Variants in TMEM117 observed in about 807,000 individuals in gnomAD.
TMEM117 encodes transmembrane protein 117.
TMEM117 carries 27 observed loss-of-function variants against 52.4 expected under a neutral mutation model. The ratio of observed to expected loss-of-function variants is 0.51; its 90% CI spans 0.38 to 0.71. TMEM117 has a LOEUF of 0.71. Among genes scored for constraint, TMEM117 ranks in the 30% least tolerant of loss-of-function variants. TMEM117 has a pLI of 0.00. For missense variants in TMEM117, 556 were observed against 630.5 expected, an observed-to-expected ratio of 0.88 and a Z score of 1.26; for synonymous variants, 215 against 206.3, an observed-to-expected ratio of 1.04 and a Z score of -0.36.
In TMEM117 at chr12:44,299,572, C is replaced by T. The variant is rs746516718; in HGVS notation, c.609-8C>T. ...TATGTTCTTTAATGAGTGTCTTGTT[C>T]CTTACAGGACAGTTCTTTTTACTCT... On this transcript the variant is annotated splice_polypyrimidine_tract_variant and splice_region_variant and intron_variant, in intron 5 of 7. Coordinates refer to ENST00000266534, the MANE Select transcript of TMEM117 (RefSeq NM_032256.3). The T allele has an allele frequency of 3.7e-6, 6 of 1,613,440 alleles. No individual in the cohort carries two copies. Among genetic ancestry groups the T allele is most frequent in the Non-Finnish European group, 4.2e-6 (5 of 1,179,732 alleles).
In TMEM117 at chr12:44,258,896, T is replaced by G. The variant is rs144997806; in HGVS notation, c.609-40684T>G. 6.1e-3 allele frequency among the ~76,000 whole-genome samples: 923 copies of G among 152,232 alleles called. 5 individuals carry two copies. Among genetic ancestry groups the G allele is most frequent in the Non-Finnish European group, 8.4e-3 (574 of 67,996 alleles). On this transcript the variant is annotated intron_variant, in intron 5 of 7. Transcript: ENST00000266534. The stretch of plus-strand genomic sequence containing the variant: ...CATATAGCTACTGAGCACTTGAAAT[T>G]TGTCTGAATTGAGATGTGCTGTAAG...
chr12:44,275,242 A>G (rs1485599245), intron 5 of TMEM117, among the ~76,000 whole-genome samples: 2 of 152,196 alleles, frequency 1.3e-5, no homozygotes, highest in East Asian at 3.9e-4. Context: ...TCAGAACTGC[A>G]GTGAGATGTC....
chr12:44,174,362 A>G (rs963015343), intron 4 of TMEM117, among the ~76,000 whole-genome samples: 1 of 152,212 alleles, frequency 6.6e-6, no homozygotes, highest in Non-Finnish European at 1.5e-5. Flanking sequence ...AAGTTATGAC[A>G]GAGAGACACT....
chr12:44,121,676 T>G (rs1948237278), intron 3 of TMEM117, among the ~76,000 whole-genome samples: 1 of 152,102 alleles, frequency 6.6e-6, no homozygotes. Context: ...TTTAGGGGAG[T>G]CAAAATTATA....
intron 6 of TMEM117, among the ~76,000 whole-genome samples, chr12:44,334,491 T>C (rs1951313646): frequency 6.6e-6 from 1 of 152,018 alleles, no homozygotes; most frequent in African/African-American, 2.4e-5. Flanking sequence ...AGGTGAACCC[T>C]AAGTCTTTTT....
intron 4 of TMEM117, among the ~76,000 whole-genome samples, chr12:44,178,422 T>C (rs1949145333): frequency 6.6e-6 from 1 of 150,922 alleles, no homozygotes; most frequent in Admixed American, 6.6e-5. Context: ...GTTTTCATCC[T>C]TTTCTCTCAT....
At chr12:44,374,006 T>G (rs1388643641) in intron 6 of TMEM117, among the ~76,000 whole-genome samples, 1 of 152,020 alleles carries the variant, frequency 6.6e-6, no homozygotes, top group African/African-American at 2.4e-5. Flanking sequence ...GGTCTCAAAC[T>G]CCTGATCTCA....
At chr12:43,995,386 A>G (rs1565784993) in intron 3 of TMEM117, among the ~76,000 whole-genome samples, 1 of 152,106 alleles carries the variant, frequency 6.6e-6, no homozygotes, top group Admixed American at 6.5e-5. Context: ...AAAACCTGGT[A>G]TCTCCTAAAG....
intron 3 of TMEM117, among the ~76,000 whole-genome samples, chr12:43,985,774 G>A (rs2137734211): frequency 6.6e-6 from 1 of 152,272 alleles, no homozygotes; most frequent in South Asian, 2.1e-4. Flanking sequence ...ACTGAGGATG[G>A]AATCCCAACA....
intron 5 of TMEM117, among the ~76,000 whole-genome samples, chr12:44,237,584 G>A (rs1482895967): frequency 1.3e-5 from 2 of 151,968 alleles, no homozygotes; most frequent in Non-Finnish European, 2.9e-5. Context: ...GGGCATGGTG[G>A]CATGCACCTG....
intron 4 of TMEM117, among the ~76,000 whole-genome samples, chr12:44,185,775 T>C (rs1361429358): frequency 1.3e-5 from 2 of 151,994 alleles, no homozygotes; most frequent in African/African-American, 4.8e-5. Context: ...TCTTTTTACT[T>C]CTTTTTAACA....
chr12:44,232,632 A>C (rs1007468693), intron 5 of TMEM117, among the ~76,000 whole-genome samples: 2 of 151,508 alleles, frequency 1.3e-5, no homozygotes, highest in East Asian at 3.8e-4. Context: ...CAATTTCCAC[A>C]ATAAAATTGG....
intron 2 of TMEM117, among the ~76,000 whole-genome samples, chr12:43,921,988 C>G (rs1027978385): frequency 3.3e-5 from 5 of 152,152 alleles, no homozygotes; most frequent in Non-Finnish European, 5.9e-5. Context: ...TTCCTGAACT[C>G]TACCATAAAA....
chr12:44,221,508 C>G lies in TMEM117; in HGVS notation c.608+10121C>G, dbSNP rs183403612. On this transcript the variant is annotated intron_variant, in intron 5 of 7. Transcript: ENST00000266534. The stretch of plus-strand genomic sequence containing the variant: ...CAAAAAGTTAGAATAAATTTGTGAT[C>G]TGTAGTTGATCATGTCTTCCTCATG... Among the ~76,000 whole-genome samples the G allele has an allele frequency of 1.2e-3, 189 of 152,252 alleles. 1 individual carries two copies. Among genetic ancestry groups the G allele is most frequent in the African/African-American group, 4.1e-3 (169 of 41,558 alleles).
intron 3 of TMEM117, among the ~76,000 whole-genome samples, chr12:44,024,659 A>T (rs1946504616): frequency 6.6e-6 from 1 of 151,932 alleles, no homozygotes; most frequent in African/African-American, 2.4e-5. Context: ...GAGTAGGAAA[A>T]CAGCAAATGG....
intron 3 of TMEM117, among the ~76,000 whole-genome samples, chr12:43,976,264 C>G (rs1005714825): frequency 6.6e-6 from 1 of 152,104 alleles, no homozygotes; most frequent in African/African-American, 2.4e-5. Context: ...TAGTACACTG[C>G]AGTATCAGAC....
intron 4 of TMEM117, among the ~76,000 whole-genome samples, chr12:44,165,683 A>G (rs1232674507): frequency 6.6e-6 from 1 of 152,208 alleles, no homozygotes; most frequent in Non-Finnish European, 1.5e-5. Flanking sequence ...TAACAATTCT[A>G]ATTACATATG....
At chr12:44,025,029 A>C (rs952761874) in intron 3 of TMEM117, among the ~76,000 whole-genome samples, 2 of 152,192 alleles carry the variant, frequency 1.3e-5, no homozygotes, top group Non-Finnish European at 2.9e-5. Flanking sequence ...CACCACATAC[A>C]TAATAGGACT....
At chr12:44,013,034 T>G (rs1045387633) in intron 3 of TMEM117, among the ~76,000 whole-genome samples, 3 of 151,806 alleles carry the variant, frequency 2.0e-5, no homozygotes, top group Non-Finnish European at 4.4e-5. Flanking sequence ...CTTGCTTTTT[T>G]TTTTTTTAGA....
Sources: gnomAD v4.1 joint callset for allele counts (sites outside exome capture counted in the v4.1 genomes callset) on GRCh38, gnomAD v4.1.1 for gene constraint, MANE v1.5 for transcripts, NCBI Gene and HGNC (gene_info 2026-07-23, HGNC 2026-07-21) for gene names.